The following RERE variants were observed in gnomAD, a reference collection of about 807,000 sequenced individuals.
RERE encodes arginine-glutamic acid dipeptide repeats protein.
RERE carries 40 observed loss-of-function variants against 146.1 expected under a neutral mutation model. That is an observed-to-expected ratio of 0.27 (90% CI 0.21 to 0.36). RERE has a LOEUF of 0.36. RERE is among the 10% of genes least tolerant of loss of function. The pLI is 1.00. For missense variants in RERE, 1,933 were observed against 2,138.7 expected (o/e 0.90, Z 1.90); for synonymous variants, 1,003 against 866.0 (o/e 1.16, Z -2.78).
intron 1 of RERE, among the ~76,000 whole-genome samples, chr1:8,751,981 TAATA>T (rs1243292450): frequency 2.7e-5 from 4 of 150,868 alleles, no homozygotes; most frequent in Non-Finnish European, 5.9e-5. Context: ...CAATTCAATA[TAATA>T]ATAGTTAAAA....
At chr1:8,542,392 C>T (rs2124393317) in intron 6 of RERE, among the ~76,000 whole-genome samples, 1 of 152,292 alleles carries the variant, frequency 6.6e-6, no homozygotes, top group East Asian at 1.9e-4. Context: ...TAACAACATA[C>T]ACACCAGCTA....
rs576684077 is a variant in RERE, at chr1:8,761,011, A to C, written c.-145+56149T>G. ...AAATGGAGGCACAAAGACGTTCCAT[A>C]ACTCTAACAGGATTACAGGACAGAG... On this transcript the variant is annotated intron_variant, in intron 1 of 22. Transcript: ENST00000400908. Among the ~76,000 whole-genome samples, 405 of 152,318 alleles carry C rather than the reference A, an allele frequency of 2.7e-3. 3 individuals are homozygous for C. Among genetic ancestry groups the C allele is most frequent in the African/African-American group, 9.3e-3 (385 of 41,564 alleles).
At chr1:8,419,435 A>C (rs1643863304) in intron 12 of RERE, among the ~76,000 whole-genome samples, 1 of 152,200 alleles carries the variant, frequency 6.6e-6, no homozygotes, top group African/African-American at 2.4e-5. Context: ...TAACCGCATG[A>C]ATGAACTGGT....
intron 1 of RERE, among the ~76,000 whole-genome samples, chr1:8,722,808 G>A (rs542947421): frequency 6.6e-6 from 1 of 152,270 alleles, no homozygotes; most frequent in African/African-American, 2.4e-5. Context: ...ATGCAAATAC[G>A]ACACCATGTT....
chr1:8,476,306 T>C (rs1388268742), intron 10 of RERE, among the ~76,000 whole-genome samples: 2 of 152,326 alleles, frequency 1.3e-5, no homozygotes, highest in East Asian at 1.9e-4. Context: ...GATTCTAACA[T>C]AAACCCATGT....
chr1:8,704,794 G>C (rs1302402680), intron 1 of RERE, among the ~76,000 whole-genome samples: 1 of 152,238 alleles, frequency 6.6e-6, no homozygotes, highest in African/African-American at 2.4e-5. Flanking sequence ...CATGTACTGA[G>C]AGCAAGAGCT....
At chr1:8,743,090 C>T (rs1223416394) in intron 1 of RERE, among the ~76,000 whole-genome samples, 1 of 151,822 alleles carries the variant, frequency 6.6e-6, no homozygotes, top group African/African-American at 2.4e-5. Context: ...TAAAAAAAGA[C>T]ATAATAAGTA....
At chr1:8,551,364 G>T (rs904564238) in intron 6 of RERE, among the ~76,000 whole-genome samples, 1 of 152,182 alleles carries the variant, frequency 6.6e-6, no homozygotes, top group African/African-American at 2.4e-5. Flanking sequence ...ATCCTTAGGG[G>T]AGAAAAAGTA....
Position 8,536,916 on chromosome 1 carries a change from G to A in RERE, c.830+4298C>T, listed in dbSNP as rs1346529977. ...CTAAATTTTTGCCCAATTAAGTTTT[G>A]TTCCCGCTGAGTGGAGCGGCTCATA... On this transcript the variant is annotated intron_variant, in intron 7 of 22. Transcript: ENST00000400908. Among the ~76,000 whole-genome samples the A allele has an allele frequency of 2.0e-5, 3 of 152,078 alleles. No homozygotes were observed. The East Asian group carries it at 5.8e-4, about 29-fold the overall frequency.
intron 1 of RERE, among the ~76,000 whole-genome samples, chr1:8,757,168 T>G (rs1557523968): frequency 6.6e-6 from 1 of 151,450 alleles, no homozygotes; most frequent in Admixed American, 6.6e-5. Flanking sequence ...ATGAAGCTAC[T>G]TGTCATTCAA....
intron 4 of RERE, among the ~76,000 whole-genome samples, chr1:8,593,078 C>T (rs749427139): frequency 7.2e-5 from 11 of 152,080 alleles, no homozygotes; most frequent in Non-Finnish European, 1.5e-4. Context: ...CTGAATGGTG[C>T]GACTGGTTTC....
At chr1:8,497,599 G>A (rs1645062571) in intron 8 of RERE, 70 bp from the exon 9 acceptor site, 2 of 1,534,412 alleles carry the variant, frequency 1.3e-6, no homozygotes, top group African/African-American at 1.4e-5. Flanking sequence ...TCAATAAGCA[G>A]TCTTTAGGAA....
intron 4 of RERE, among the ~76,000 whole-genome samples, chr1:8,604,188 C>G (rs973449450): frequency 5.3e-5 from 8 of 152,068 alleles, no homozygotes; most frequent in African/African-American, 1.9e-4. Flanking sequence ...GTCACCTGAT[C>G]GTACAACTAG....
chr1:8,789,267 A>G (rs1325214780), intron 1 of RERE, among the ~76,000 whole-genome samples: 1 of 123,792 alleles, frequency 8.1e-6, no homozygotes, highest in Non-Finnish European at 1.7e-5. Context: ...CAACACAGCA[A>G]GACCTCCTCT....
At chr1:8,783,587 T>C (rs1277568946) in intron 1 of RERE, among the ~76,000 whole-genome samples, 1 of 152,064 alleles carries the variant, frequency 6.6e-6, no homozygotes, top group Non-Finnish European at 1.5e-5. Context: ...GGAGGACTGT[T>C]TGAACTCAGG....
intron 1 of RERE, among the ~76,000 whole-genome samples, chr1:8,814,268 C>G (rs1027210614): frequency 1.3e-5 from 2 of 152,208 alleles, no homozygotes; most frequent in African/African-American, 2.4e-5. Flanking sequence ...TTTACCACTG[C>G]AAACCTCTCT....
At chr1:8,394,837 T>C (rs997957923) in intron 12 of RERE, among the ~76,000 whole-genome samples, 2 of 152,304 alleles carry the variant, frequency 1.3e-5, no homozygotes, top group South Asian at 4.1e-4. Flanking sequence ...TTACCACAGT[T>C]ACACTTGGTT....
chr1:8,365,364 T>A (rs1178796554), intron 13 of RERE, among the ~76,000 whole-genome samples: 1 of 152,022 alleles, frequency 6.6e-6, no homozygotes, highest in Non-Finnish European at 1.5e-5. Context: ...AGATTGTACA[T>A]CATACTGGGA....
At chr1:8,437,688 C>T (rs978893329) in intron 11 of RERE, among the ~76,000 whole-genome samples, 2 of 152,162 alleles carry the variant, frequency 1.3e-5, no homozygotes, top group African/African-American at 4.8e-5. Context: ...AAATTACACA[C>T]ACAAACAGAT....
Sources: gnomAD v4.1 joint callset for allele counts (sites outside exome capture counted in the v4.1 genomes callset) on GRCh38, gnomAD v4.1.1 for gene constraint, MANE v1.5 for transcripts, NCBI Gene and HGNC (gene_info 2026-07-23, HGNC 2026-07-21) for gene names.